The following MOSPD2 variants were observed in gnomAD, a reference collection of about 807,000 sequenced individuals.
MOSPD2 encodes the protein motile sperm domain containing 2.
MOSPD2 carries 5 observed loss-of-function variants against 41.7 expected under a neutral mutation model. The observed-to-expected ratio is 0.12, with a 90% CI of 0.06 to 0.25. MOSPD2 has a LOEUF of 0.25. MOSPD2 is among the 10% of genes least tolerant of loss of function. The probability of loss-of-function intolerance (pLI) is 1.00; values close to 1 mark genes in which losing one functional copy is unlikely to be tolerated. For synonymous variants in MOSPD2, 115 were observed against 126.9 expected, an observed-to-expected ratio of 0.91 and a Z score of 0.63; for missense variants, 282 against 375.2, an observed-to-expected ratio of 0.75 and a Z score of 2.05.
At chrX:14,892,414 G>A (rs1055979246) in intron 2 of MOSPD2, among the ~76,000 whole-genome samples, 3 of 111,092 alleles carry the variant, frequency 2.7e-5, no homozygotes, top group African/African-American at 6.6e-5. Context: ...GAATTCAGTC[G>A]TTGTCATGAG....
At chrX:14,891,356 T>C (rs776968229) in intron 2 of MOSPD2, among the ~76,000 whole-genome samples, 1 of 111,082 alleles carries the variant, frequency 9.0e-6, no homozygotes, top group Non-Finnish European at 1.9e-5. Context: ...GGGAATATAG[T>C]GTGTGTGTGA....
intron 2 of MOSPD2, among the ~76,000 whole-genome samples, chrX:14,883,533 AT>A (rs1319705601): frequency 8.9e-6 from 1 of 112,195 alleles, no homozygotes; most frequent in Non-Finnish European, 1.9e-5. Context: ...TGTAGTGACT[AT>A]AAAGATTTGG....
In MOSPD2 at chrX:14,919,522, C is replaced by T. The variant is rs761274242; in HGVS notation, c.1420-150C>T. 1,553 of 464,356 alleles carry T rather than the reference C, an allele frequency of 3.3e-3. 3 individuals carry two copies. The highest frequency in any genetic ancestry group is 4.3e-3 in the Non-Finnish European group (1,152 of 265,995). 38.3% of individuals were successfully genotyped at this position (464,356 alleles called of 1,213,427 possible). A position where few individuals can be genotyped will look rare whatever the true frequency, so the allele number is the denominator to read the frequency against. ...TCTGTCCACCAAACAAATCTAATGCCCTGTTGCACTTCCACCTCCTTCCAC... is the reference window on the plus strand; with the variant it reads ...TCTGTCCACCAAACAAATCTAATGCTCTGTTGCACTTCCACCTCCTTCCAC... On this transcript the variant is annotated intron_variant, in intron 14 of 14. Transcript: ENST00000380492.
At chrX:14,873,843 A>G in intron 2 of MOSPD2, 85 bp downstream of exon 2, 2 of 811,425 alleles carry the variant, frequency 2.5e-6, no homozygotes, top group Non-Finnish European at 3.8e-6. Context: ...TATTTGTGGG[A>G]GGTGTTAGGG....
At chrX:14,919,529 C>A in intron 14 of MOSPD2, 143 bp from the exon 15 acceptor site, 1 of 474,743 alleles carries the variant, frequency 2.1e-6, no homozygotes, top group Non-Finnish European at 3.7e-6. Context: ...TGCCCTGTTG[C>A]ACTTCCACCT....
At chrX:14,911,216 T>G in intron 8 of MOSPD2, 21 bp from the exon 9 acceptor site, 1 of 1,165,956 alleles carries the variant, frequency 8.6e-7, no homozygotes, top group Non-Finnish European at 1.2e-6. Flanking sequence ...AGTAGGCTCA[T>G]GTGAAATTAT....
At chrX:14,883,119 G>C (rs751688167) in intron 2 of MOSPD2, among the ~76,000 whole-genome samples, 1 of 110,309 alleles carries the variant, frequency 9.1e-6, no homozygotes, top group African/African-American at 3.3e-5. Context: ...GCTTGAACCC[G>C]GGAGGCGGAG....
intron 14 of MOSPD2, among the ~76,000 whole-genome samples, 167 bp from the exon 15 acceptor site, chrX:14,919,505 C>G (rs920265544): frequency 8.9e-6 from 1 of 111,956 alleles, no homozygotes; most frequent in Non-Finnish European, 1.9e-5. Context: ...TATCTGTCCA[C>G]CAAACAAATC....
chrX:14,905,873 T>C lies in MOSPD2; in HGVS notation c.577+2869T>C, dbSNP rs1221878641. On this transcript the variant is annotated intron_variant, in intron 7 of 14. Transcript: ENST00000380492. ...GTGCTATATAGTTGTTCTACTCTAT[T>C]GTTTCTTATTTATATTTTTGTCGTA... is the stretch of plus-strand genomic sequence containing the variant. Among the ~76,000 whole-genome samples the C allele has an allele frequency of 4.5e-5, 5 of 111,929 alleles. No homozygotes were observed. The East Asian group carries it at 1.4e-3, about 31-fold the overall frequency.
Position 14,873,507 on chromosome X carries a change from A to C in MOSPD2, c.-22A>C, listed in dbSNP as rs1008223099. The C allele has an allele frequency of 1.7e-6, 2 of 1,210,453 alleles. No homozygotes were observed. Among genetic ancestry groups the C allele is most frequent in the African/African-American group, 1.7e-5 (1 of 57,330 alleles). Reference sequence around the variant, plus strand: ...TAGAACGGGCGACGGCGACAACCGCAATCACATCCACGACGGTGATCATGG... The same window carrying C: ...TAGAACGGGCGACGGCGACAACCGCCATCACATCCACGACGGTGATCATGG... On this transcript the variant is annotated 5_prime_UTR_variant, in exon 1 of 15. Transcript: ENST00000380492.
chrX:14,921,490 T>C lies in MOSPD2; in HGVS notation c.*1681T>C. On this transcript the variant is annotated 3_prime_UTR_variant, in exon 15 of 15. Transcript: ENST00000380492. ...CCCTTACATGGTAGATTTTTGGCCTTAATATAATCTAATCCCAAAGTAGTT... is the reference window on the plus strand; with the variant it reads ...CCCTTACATGGTAGATTTTTGGCCTCAATATAATCTAATCCCAAAGTAGTT... 1 of 729,082 alleles carries C rather than the reference T, an allele frequency of 1.4e-6. No individual in the cohort carries two copies. Among genetic ancestry groups the C allele is most frequent in the Non-Finnish European group, 1.8e-6 (1 of 566,584 alleles). The allele number at this position is 729,082 out of a possible 1,213,427, so 60.1% of individuals were successfully genotyped here.
chrX:14,912,033 G>C (rs1365073688), intron 9 of MOSPD2, among the ~76,000 whole-genome samples: 1 of 111,862 alleles, frequency 8.9e-6, no homozygotes, highest in Non-Finnish European at 1.9e-5. Context: ...ATTTTTAAAA[G>C]AGCACTTAGT....
At chrX:14,915,792 G>A (rs1335458242) in intron 12 of MOSPD2, 28 bp downstream of exon 12, 3 of 1,120,833 alleles carry the variant, frequency 2.7e-6, no homozygotes, top group Non-Finnish European at 2.5e-6. Context: ...AGCCACAGCA[G>A]GTGTTGGGTG....
chrX:14,906,076 G>T (rs1248648859), intron 7 of MOSPD2, among the ~76,000 whole-genome samples: 1 of 111,150 alleles, frequency 9.0e-6, no homozygotes, highest in Non-Finnish European at 1.9e-5. Flanking sequence ...TTGCAGAAAT[G>T]GATATGTTTG....
Position 14,920,067 on chromosome X carries a change from TTAAATA to T in MOSPD2, c.*262_*267del. 2 of 765,091 alleles carry T rather than the reference TTAAATA, an allele frequency of 2.6e-6. No individual in the cohort carries two copies. The highest frequency in any genetic ancestry group is 3.2e-6 in the Non-Finnish European group (2 of 630,364). 63.1% of individuals were successfully genotyped at this position (765,091 alleles called of 1,213,427 possible). A position where few individuals can be genotyped will look rare whatever the true frequency, so the allele number is the denominator to read the frequency against. ...CATATCCATTGTGTAAATTAATAGT[TTAAATA>T]TAATTTATTTTTTCCTTTTGATCTG... On this transcript the variant is annotated 3_prime_UTR_variant, in exon 15 of 15. Transcript: ENST00000380492.
chrX:14,912,224 A>G (rs777657348), intron 9 of MOSPD2, 25 bp from the exon 10 acceptor site: 1 of 1,010,108 alleles, frequency 9.9e-7, no homozygotes, highest in African/African-American at 2.6e-5. Flanking sequence ...TATGCTAAAT[A>G]GTTATCCTTT....
chrX:14,886,536 C>G (rs1035502042), intron 2 of MOSPD2, among the ~76,000 whole-genome samples: 1 of 106,341 alleles, frequency 9.4e-6, no homozygotes, highest in African/African-American at 3.5e-5. Context: ...CACACATGCA[C>G]GCACACACAC....
chrX:14,910,579 T>C (rs1459975877), intron 8 of MOSPD2, among the ~76,000 whole-genome samples: 1 of 111,723 alleles, frequency 9.0e-6, no homozygotes, highest in African/African-American at 3.3e-5. Flanking sequence ...TAATTCTTAA[T>C]ATATGTGTGC....
chrX:14,913,606 A>G (rs1299787173), intron 10 of MOSPD2, among the ~76,000 whole-genome samples: 1 of 111,993 alleles, frequency 8.9e-6, no homozygotes, highest in Non-Finnish European at 1.9e-5. Context: ...AAACTAGGCA[A>G]AGCCCTTCTG....
Sources: allele counts gnomAD v4.1 joint callset (sites outside exome capture counted in the v4.1 genomes callset), GRCh38; gene constraint gnomAD v4.1.1; transcripts MANE v1.5; gene names NCBI Gene and HGNC (gene_info 2026-07-23, HGNC 2026-07-21).